The following UGT2A1 variants were observed in gnomAD, a reference collection of about 807,000 sequenced individuals.
UGT2A1 encodes UDP-glucuronosyltransferase 2A1.
UGT2A1 carries 61 observed loss-of-function variants against 45.4 expected under a neutral mutation model. The ratio of observed to expected loss-of-function variants is 1.34; its 90% CI spans 1.09 to 1.66. The LOEUF (loss-of-function observed/expected upper bound fraction) is 1.66, where lower values mean the gene tolerates loss of function less well. UGT2A1 is among the 40% of genes most tolerant of loss of function. UGT2A1 has a pLI of 0.00. For missense variants in UGT2A1, 649 were observed against 574.3 expected (o/e 1.13, Z -1.33); for synonymous variants, 229 against 196.2 (o/e 1.17, Z -1.40).
chr4:69,647,963 T>C (rs1722357772), intron 1 of UGT2A1, among the ~76,000 whole-genome samples: 1 of 151,846 alleles, frequency 6.6e-6, no homozygotes, highest in Non-Finnish European at 1.5e-5. Context: ...TGTTACATTT[T>C]TACTATTAAA....
intron 6 of UGT2A1, among the ~76,000 whole-genome samples, chr4:69,590,682 G>A (rs1018003853): frequency 6.6e-6 from 1 of 151,718 alleles, no homozygotes; most frequent in African/African-American, 2.4e-5. Context: ...TCTGTCTAGT[G>A]AAAAAGAATA....
intron 3 of UGT2A1, among the ~76,000 whole-genome samples, chr4:69,610,699 C>T (rs748038296): frequency 1.3e-5 from 2 of 151,986 alleles, no homozygotes; most frequent in Non-Finnish European, 2.9e-5. Context: ...GGAAGTGACA[C>T]CAGGAATGCC....
chr4:69,608,331 A>T (rs569143387), intron 3 of UGT2A1, among the ~76,000 whole-genome samples: 1 of 151,274 alleles, frequency 6.6e-6, no homozygotes, highest in East Asian at 2.0e-4. Context: ...CAAAAAAACA[A>T]ACACTGCATG....
chr4:69,610,913 C>A (rs952426436), intron 3 of UGT2A1, among the ~76,000 whole-genome samples: 1 of 152,114 alleles, frequency 6.6e-6, no homozygotes, highest in Non-Finnish European at 1.5e-5. Flanking sequence ...ATTAGCTAAT[C>A]TTTTTCATAC....
At chr4:69,607,821 G>A (rs1719749828) in intron 3 of UGT2A1, among the ~76,000 whole-genome samples, 1 of 152,150 alleles carries the variant, frequency 6.6e-6, no homozygotes. Context: ...ATGAAAAAAT[G>A]CTCATCATCA....
rs143075946 is a variant in UGT2A1, at chr4:69,639,139, C to A, written c.716-3317G>T. 12 of 1,613,662 alleles carry A rather than the reference C, an allele frequency of 7.4e-6. No homozygotes were observed. The African/African-American group carries it at 1.5e-4, about 20-fold the overall frequency. On this transcript the variant is annotated intron_variant, in intron 2 of 6. Transcript: ENST00000286604. ...AATGGAATTCCTAATTTCAGAGCAA[C>A]AAGATCACCACAGATTGTTACTGGG... is the stretch of plus-strand genomic sequence containing the variant.
In UGT2A1 at chr4:69,605,988, AG is replaced by A. The variant is rs775499631; in HGVS notation, c.848-6595del. Among the ~76,000 whole-genome samples, 72 of 137,086 alleles carry A rather than the reference AG, an allele frequency of 5.3e-4. 14 individuals are homozygous for A. Among genetic ancestry groups the A allele is most frequent in the Non-Finnish European group, 1.0e-3 (66 of 64,364 alleles). The allele number at this position is 137,086 out of a possible 152,430, so 89.9% of individuals were successfully genotyped here. A position where few individuals can be genotyped will look rare whatever the true frequency, so the allele number is the denominator to read the frequency against. ...GATGGATTCACAGCTGAATTCTACC[AG>A]AAGTACAAGGAGGAGCTGGTACCAT... On this transcript the variant is annotated intron_variant, in intron 3 of 6. Coordinates refer to ENST00000286604, the MANE Select transcript of UGT2A1 (RefSeq NM_001252275.3).
chr4:69,638,173 A>G lies in UGT2A1; in HGVS notation c.716-2351T>C, dbSNP rs993140322. Among the ~76,000 whole-genome samples, 6 of 152,252 alleles carry G rather than the reference A, an allele frequency of 3.9e-5. No individual in the cohort carries two copies. The East Asian group carries it at 1.2e-3, about 29-fold the overall frequency. Reference sequence around the variant, plus strand: ...CATCATCTGTTAATTCCTGCTATTGATTAGTGTCCCGAGTACTAAGAGATC... The same window carrying G: ...CATCATCTGTTAATTCCTGCTATTGGTTAGTGTCCCGAGTACTAAGAGATC... On this transcript the variant is annotated intron_variant, in intron 2 of 6. Transcript: ENST00000286604.
intron 3 of UGT2A1, among the ~76,000 whole-genome samples, chr4:69,604,714 T>A (rs936838788): frequency 7.4e-6 from 1 of 135,324 alleles, no homozygotes; most frequent in Non-Finnish European, 1.6e-5. Flanking sequence ...CAAAATAAAG[T>A]GATGGAGGAA....
intron 1 of UGT2A1, 46 bp from the exon 2 acceptor site, chr4:69,647,744 G>A (rs987823225): frequency 2.3e-6 from 2 of 857,620 alleles, no homozygotes; most frequent in African/African-American, 3.5e-5. Flanking sequence ...TCAATTTTGA[G>A]GCAAACCATT....
intron 3 of UGT2A1, among the ~76,000 whole-genome samples, chr4:69,612,697 T>C (rs1307452736): frequency 6.6e-6 from 1 of 151,808 alleles, no homozygotes; most frequent in Non-Finnish European, 1.5e-5. Context: ...AGAAACCGGA[T>C]TGTCACAATT....
intron 2 of UGT2A1, among the ~76,000 whole-genome samples, chr4:69,644,917 G>A (rs1722187918): frequency 6.6e-6 from 1 of 151,702 alleles, no homozygotes; most frequent in Admixed American, 6.6e-5. Flanking sequence ...AGTTGTTTTA[G>A]AACAGAGATC....
chr4:69,639,408 A>G (rs1162896780), intron 2 of UGT2A1: 2 of 1,613,476 alleles, frequency 1.2e-6, no homozygotes, highest in South Asian at 1.1e-5. Flanking sequence ...TTCAAAATTC[A>G]CAGGAGAATC....
rs182425703 is a variant in UGT2A1 at position 69,602,829 on chromosome 4, G to T, written c.848-3435C>A. 5.1e-5 allele frequency among the ~76,000 whole-genome samples: 7 copies of T among 136,380 alleles called. No homozygotes were observed. In the East Asian group the frequency reaches 1.4e-3, roughly 28 times the overall value. The allele number at this position is 136,380 out of a possible 152,430, so 89.5% of individuals were successfully genotyped here. ...GTCCATTCTCTAAAATCAATTTATA[G>T]ATTAATTATGAATCTTATTAAGGGT... On this transcript the variant is annotated intron_variant, in intron 3 of 6. Coordinates refer to ENST00000286604, the MANE Select transcript of UGT2A1 (RefSeq NM_001252275.3).
At chr4:69,646,909 A>C in intron 2 of UGT2A1, 21 bp downstream of exon 2, 1 of 1,519,310 alleles carries the variant, frequency 6.6e-7, no homozygotes, top group East Asian at 2.3e-5. Context: ...TCAAGTAATA[A>C]AAACAAAATT....
intron 2 of UGT2A1, among the ~76,000 whole-genome samples, chr4:69,640,690 A>C (rs1722004747): frequency 6.6e-6 from 1 of 151,938 alleles, no homozygotes; most frequent in Admixed American, 6.6e-5. Flanking sequence ...CCCTTAAATT[A>C]TGTAATTTCA....
At chr4:69,615,316 T>C (rs1720314947) in intron 3 of UGT2A1, among the ~76,000 whole-genome samples, 1 of 152,018 alleles carries the variant, frequency 6.6e-6, no homozygotes, top group African/African-American at 2.4e-5. Flanking sequence ...TGGGCAGATT[T>C]GATTAATAAG....
intron 3 of UGT2A1, among the ~76,000 whole-genome samples, chr4:69,620,731 A>T (rs1157890785): frequency 6.6e-6 from 1 of 151,894 alleles, no homozygotes; most frequent in African/African-American, 2.4e-5. Flanking sequence ...ACACAATCCA[A>T]CTTTAAACTA....
At chr4:69,600,960 A>T (rs2109894068) in intron 3 of UGT2A1, among the ~76,000 whole-genome samples, 1 of 152,256 alleles carries the variant, frequency 6.6e-6, no homozygotes, top group Admixed American at 6.5e-5. Context: ...TCACAATTTG[A>T]CATAAGACTT....
Sources: allele counts gnomAD v4.1 joint callset (sites outside exome capture counted in the v4.1 genomes callset), GRCh38; gene constraint gnomAD v4.1.1; transcripts MANE v1.5; gene names NCBI Gene and HGNC (gene_info 2026-07-23, HGNC 2026-07-21).